Variants in MED12L observed in about 807,000 individuals in gnomAD.
The protein encoded by MED12L is mediator of RNA polymerase II transcription subunit 12-like protein.
A neutral mutation model predicts 281.3 loss-of-function variants in MED12L; 60 were observed. The observed-to-expected ratio is 0.21, with a 90% CI of 0.17 to 0.26. The LOEUF (loss-of-function observed/expected upper bound fraction) is 0.26, where lower values mean the gene tolerates loss of function less well. Ranked by LOEUF, MED12L falls within the 10% of genes least tolerant of loss-of-function variation. The probability of loss-of-function intolerance (pLI) is 1.00; values close to 1 mark genes in which losing one functional copy is unlikely to be tolerated. For synonymous variants in MED12L, 974 were observed against 987.2 expected (o/e 0.99, Z 0.25); for missense variants, 2,146 against 2,680.9 (o/e 0.80, Z 4.41).
At position 151,267,374 on chromosome 3, in the gene MED12L, A is replaced by T. The variant is rs1198271773; in HGVS notation, c.2250+73708A>T. Among the ~76,000 whole-genome samples, 3 of 152,206 alleles carry T rather than the reference A, an allele frequency of 2.0e-5. No individual in the cohort carries two copies. The East Asian group carries it at 5.8e-4, about 29-fold the overall frequency. Reference sequence around the variant, plus strand: ...ATAATGTAATCAAATTTAAGTAGCTAATCACAAATCCCCTTTTCTTTTTAG... The same window carrying T: ...ATAATGTAATCAAATTTAAGTAGCTTATCACAAATCCCCTTTTCTTTTTAG... On this transcript the variant is annotated intron_variant, in intron 16 of 44. Coordinates refer to ENST00000687756, the MANE Select transcript of MED12L (RefSeq NM_001393769.1).
chr3:151,355,412 C>T (rs999759878), intron 18 of MED12L, among the ~76,000 whole-genome samples, 173 bp downstream of exon 18: 6 of 151,984 alleles, frequency 3.9e-5, no homozygotes, highest in African/African-American at 7.3e-5. Flanking sequence ...TTGCCTTCCT[C>T]GAAGGATTAA....
At chr3:151,160,189 C>A in intron 8 of MED12L, 88 bp downstream of exon 8, 1 of 1,253,932 alleles carries the variant, frequency 8.0e-7, no homozygotes, top group Non-Finnish European at 1.1e-6. Context: ...CTCTAGTTGA[C>A]TTTTTACAAC....
Position 151,368,056 on chromosome 3 carries a change from AT to A in MED12L, c.3449-93del, listed in dbSNP as rs754864741. 8.5e-4 allele frequency: 527 copies of A among 619,982 alleles called. 3 individuals are homozygous for A. Among genetic ancestry groups the A allele is most frequent in the Non-Finnish European group, 1.1e-3 (479 of 416,684 alleles). 38.4% of individuals were successfully genotyped at this position (619,982 alleles called of 1,614,324 possible). A position where few individuals can be genotyped will look rare whatever the true frequency, so the allele number is the denominator to read the frequency against. ...CTTACCATAAGGAAAATTTATTTAA[AT>A]AATTATTCCAGGAAATTTAGCTTAA... On this transcript the variant is annotated intron_variant, in intron 24 of 44. Transcript: ENST00000687756.
intron 16 of MED12L, among the ~76,000 whole-genome samples, chr3:151,209,372 G>A (rs1003387193): frequency 1.3e-5 from 2 of 152,106 alleles, no homozygotes; most frequent in East Asian, 3.8e-4. Context: ...TAATCATTTT[G>A]TACAAGCAGT....
chr3:151,320,033 A>G (rs746936608), intron 16 of MED12L, among the ~76,000 whole-genome samples: 1 of 152,202 alleles, frequency 6.6e-6, no homozygotes, highest in Non-Finnish European at 1.5e-5. Flanking sequence ...GATATGAGAC[A>G]TTGAGCAAAT....
chr3:151,191,763 G>A (rs1163581946), intron 14 of MED12L, among the ~76,000 whole-genome samples: 5 of 152,194 alleles, frequency 3.3e-5, no homozygotes, highest in South Asian at 4.1e-4. Flanking sequence ...AAAATTAGCC[G>A]GGCGTGGTGG....
chr3:151,110,483 T>G (rs563727755), intron 2 of MED12L, among the ~76,000 whole-genome samples: 1 of 152,348 alleles, frequency 6.6e-6, no homozygotes, highest in East Asian at 1.9e-4. Context: ...AACTTGAATC[T>G]TATTCTTATC....
At chr3:151,353,367 A>G (rs1207029005) in intron 17 of MED12L, among the ~76,000 whole-genome samples, 1 of 152,260 alleles carries the variant, frequency 6.6e-6, no homozygotes, top group Non-Finnish European at 1.5e-5. Flanking sequence ...CAGTGAAGGC[A>G]AAATTTCATA....
intron 16 of MED12L, among the ~76,000 whole-genome samples, chr3:151,211,397 T>TG (rs1727138052): frequency 1.4e-5 from 2 of 140,298 alleles, no homozygotes; most frequent in Admixed American, 1.4e-4. Flanking sequence ...TTTTGTTTTT[T>TG]GTTTTTTTTT....
In MED12L at chr3:151,139,485, A is replaced by T. The variant is rs1373809053; in HGVS notation, c.556+11501A>T. On this transcript the variant is annotated intron_variant, in intron 5 of 44. Transcript: ENST00000687756. The stretch of plus-strand genomic sequence containing the variant: ...AAATATTTTTATATGTGATTGTGTT[A>T]TCTCTTGAGCTAAACATGAATTCTT... Among the ~76,000 whole-genome samples the T allele has an allele frequency of 3.3e-5, 5 of 152,320 alleles. No individual in the cohort carries two copies. The East Asian group carries it at 9.6e-4, about 29-fold the overall frequency.
chr3:151,385,491 A>G (rs1172087683), intron 36 of MED12L, among the ~76,000 whole-genome samples: 1 of 152,204 alleles, frequency 6.6e-6, no homozygotes, highest in South Asian at 2.1e-4. Flanking sequence ...AATTGCATAA[A>G]TAAGTTCTGA....
intron 5 of MED12L, among the ~76,000 whole-genome samples, chr3:151,155,837 G>T (rs1199613025): frequency 6.6e-5 from 10 of 152,248 alleles, no homozygotes; most frequent in Admixed American, 6.5e-4. Context: ...GTTTAACAAG[G>T]AGGATCACCA....
intron 39 of MED12L, among the ~76,000 whole-genome samples, chr3:151,396,975 T>A (rs1395431368): frequency 6.6e-6 from 1 of 152,252 alleles, no homozygotes; most frequent in Non-Finnish European, 1.5e-5. Flanking sequence ...GATGACACCA[T>A]TACTTTTCTT....
chr3:151,122,197 A>G (rs1215541802), intron 3 of MED12L, among the ~76,000 whole-genome samples: 1 of 152,170 alleles, frequency 6.6e-6, no homozygotes, highest in East Asian at 1.9e-4. Context: ...CTCTTGAAAC[A>G]TTGTAGTTTT....
At chr3:151,404,228 A>G (rs893876777) in intron 39 of MED12L, among the ~76,000 whole-genome samples, 12 of 152,348 alleles carry the variant, frequency 7.9e-5, no homozygotes, top group Middle Eastern at 3.4e-3. Context: ...TTATTTTTCT[A>G]TAATATTCTG....
intron 16 of MED12L, among the ~76,000 whole-genome samples, chr3:151,331,003 A>C (rs952245157): frequency 1.3e-5 from 2 of 152,230 alleles, no homozygotes; most frequent in Non-Finnish European, 2.9e-5. Flanking sequence ...GTTTTTCTTT[A>C]AGCAAGATAA....
intron 16 of MED12L, among the ~76,000 whole-genome samples, chr3:151,241,266 G>A (rs1734022517): frequency 6.6e-6 from 1 of 152,056 alleles, no homozygotes; most frequent in African/African-American, 2.4e-5. Context: ...TTCAAAAATG[G>A]CAATACCAAA....
At chr3:151,288,212 A>G (rs1577237994) in intron 16 of MED12L, among the ~76,000 whole-genome samples, 1 of 152,368 alleles carries the variant, frequency 6.6e-6, no homozygotes, top group Non-Finnish European at 1.5e-5. Context: ...TATAGCATGC[A>G]AAGTATGAGG....
chr3:151,259,086 A>C lies in MED12L; in HGVS notation c.2250+65420A>C, dbSNP rs189980164. Among the ~76,000 whole-genome samples the C allele has an allele frequency of 3.5e-3, 531 of 152,312 alleles. 1 individual carries two copies. Among genetic ancestry groups the C allele is most frequent in the Non-Finnish European group, 6.3e-3 (430 of 68,026 alleles). On this transcript the variant is annotated intron_variant, in intron 16 of 44. Coordinates refer to ENST00000687756, the MANE Select transcript of MED12L (RefSeq NM_001393769.1). ...CGCATTTGGGAAATGACATACTTTAAATATACTGGAATAAGGAGAACCTTT... is the reference window on the plus strand; with the variant it reads ...CGCATTTGGGAAATGACATACTTTACATATACTGGAATAAGGAGAACCTTT...
Sources: gnomAD v4.1 joint callset for allele counts (sites outside exome capture counted in the v4.1 genomes callset) on GRCh38, gnomAD v4.1.1 for gene constraint, MANE v1.5 for transcripts, NCBI Gene and HGNC (gene_info 2026-07-23, HGNC 2026-07-21) for gene names.